Variants in SLC5A8 observed in about 807,000 individuals in gnomAD.
SLC5A8 encodes the protein sodium-coupled monocarboxylate transporter 1.
SLC5A8 carries 55 observed loss-of-function variants against 71.9 expected under a neutral mutation model. The observed-to-expected ratio is 0.77, with a 90% confidence interval of 0.62 to 0.96. The LOEUF (loss-of-function observed/expected upper bound fraction) is 0.96, where lower values mean the gene tolerates loss of function less well. Among genes scored for constraint, SLC5A8 ranks in the 40% least tolerant of loss-of-function variants. SLC5A8 has a pLI of 0.00. For synonymous variants in SLC5A8, 307 were observed against 276.1 expected, an observed-to-expected ratio of 1.11 and a Z score of -1.11; for missense variants, 701 against 745.3, an observed-to-expected ratio of 0.94 and a Z score of 0.69.
chr12:101,179,967 A>T, intron 10 of SLC5A8, 62 bp downstream of exon 10: 1 of 1,551,584 alleles, frequency 6.4e-7, no homozygotes, highest in Non-Finnish European at 8.9e-7. Context: ...AAGGATGGTC[A>T]CATCAACATT....
chr12:101,205,418 A>C (rs1465757870), intron 1 of SLC5A8, among the ~76,000 whole-genome samples: 1 of 152,172 alleles, frequency 6.6e-6, no homozygotes, highest in African/African-American at 2.4e-5. Context: ...CTGCTTGTCT[A>C]CTATGTTATA....
chr12:101,194,733 T>C (rs1352266003), intron 4 of SLC5A8, among the ~76,000 whole-genome samples: 2 of 152,176 alleles, frequency 1.3e-5, no homozygotes, highest in Non-Finnish European at 2.9e-5. Flanking sequence ...CACCTCGGCC[T>C]CCCAAATTGC....
rs186946566 is a variant in SLC5A8 at position 101,199,730 on chromosome 12, G to T, written c.469+2434C>A. On this transcript the variant is annotated intron_variant, in intron 3 of 14. Transcript: ENST00000536262. ...ACATGGAAAACGATATAGCCACTTG[G>T]AAAAACTGTTTGGCAATTTCTTGTA... 4.6e-3 allele frequency among the ~76,000 whole-genome samples: 699 copies of T among 151,818 alleles called. 7 individuals are homozygous for T. Among genetic ancestry groups the T allele is most frequent in the African/African-American group, 0.016 (661 of 41,482 alleles).
chr12:101,181,126 C>T (rs1233079544), intron 9 of SLC5A8, among the ~76,000 whole-genome samples: 1 of 151,938 alleles, frequency 6.6e-6, no homozygotes, highest in African/African-American at 2.4e-5. Flanking sequence ...TTTTTGTATT[C>T]CTTATGTTAT....
chr12:101,172,686 C>G (rs2051841358), intron 10 of SLC5A8, among the ~76,000 whole-genome samples: 1 of 152,040 alleles, frequency 6.6e-6, no homozygotes, highest in Non-Finnish European at 1.5e-5. Context: ...AGGCAGCCCG[C>G]TAGGGACCCT....
At chr12:101,168,063 T>C (rs1032655775) in intron 11 of SLC5A8, 33 bp downstream of exon 11, 2 of 1,568,586 alleles carry the variant, frequency 1.3e-6, no homozygotes, top group African/African-American at 2.7e-5. Flanking sequence ...GTTCAAAAAG[T>C]AATCCTCAAG....
At chr12:101,187,332 A>T in intron 7 of SLC5A8, 54 bp downstream of exon 7, 1 of 1,551,984 alleles carries the variant, frequency 6.4e-7, no homozygotes, top group South Asian at 1.3e-5. Context: ...CCTCTCAACT[A>T]ATAAGCTTTT....
rs140516916 is a variant in SLC5A8, at chr12:101,171,627, C to T, written c.1234-3445G>A. On this transcript the variant is annotated intron_variant, in intron 10 of 14. Coordinates refer to ENST00000536262, the MANE Select transcript of SLC5A8 (RefSeq NM_145913.5). ...TAGGGGAGATCATGAGAATGGGGTT[C>T]GGCTGTGGCTTTGGGGCAGACTCGC... 3.9e-5 allele frequency among the ~76,000 whole-genome samples: 6 copies of T among 152,118 alleles called. No individual in the cohort carries two copies. The East Asian group carries it at 9.7e-4, about 25-fold the overall frequency.
intron 1 of SLC5A8, among the ~76,000 whole-genome samples, chr12:101,206,069 T>C (rs1164511580): frequency 6.6e-6 from 1 of 152,190 alleles, no homozygotes; most frequent in East Asian, 1.9e-4. Flanking sequence ...GGCATAATAA[T>C]AATTTGTTTC....
Position 101,180,018 on chromosome 12 carries a change from C to T in SLC5A8, c.1233+11G>A. ...GATTTATGACTTAAACCTCCAGGGG[C>T]CAGCTCTCACCTGCAACAAAGCTCC... On this transcript the variant is annotated intron_variant, in intron 10 of 14. Transcript: ENST00000536262. 6.2e-7 allele frequency: 1 copy of T among 1,613,890 alleles called. No homozygotes were observed. Among genetic ancestry groups the T allele is most frequent in the Non-Finnish European group, 8.5e-7 (1 of 1,179,838 alleles).
chr12:101,193,721 C>T lies in SLC5A8; in HGVS notation c.596G>A (p.Gly199Glu), dbSNP rs1228776002. The T allele has an allele frequency of 1.2e-6, 2 of 1,614,014 alleles. No homozygotes were observed. Among genetic ancestry groups the T allele is most frequent in the Non-Finnish European group, 1.7e-6 (2 of 1,180,036 alleles). ...DVFQVGIMVA[G>E]FASVIIQAVV... Reference sequence around the variant, plus strand: ...AGCCTGTATAATCACGGATGCAAATCCAGCCACCATGATCCCAACTTGAAA... The same window carrying T: ...AGCCTGTATAATCACGGATGCAAATTCAGCCACCATGATCCCAACTTGAAA... The change falls in exon 5 of 15, where the codon GGA becomes GAA. Residue 199 changes from glycine (G) to glutamate (E), a missense_variant. Coordinates refer to ENST00000536262, the MANE Select transcript of SLC5A8 (RefSeq NM_145913.5).
chr12:101,205,069 G>A (rs1362245752), intron 1 of SLC5A8, among the ~76,000 whole-genome samples: 6 of 152,170 alleles, frequency 3.9e-5, no homozygotes, highest in Admixed American at 3.3e-4. Flanking sequence ...TGATGGAATA[G>A]TCAGCCAATT....
rs955780850 is a variant in SLC5A8 at position 101,180,195 on chromosome 12, A to G, written c.1166-99T>C. Reference sequence around the variant, plus strand: ...ACACCTTTGATTCAAAGTGGATAATATGACTGTGGTGAAGAATGGCCACAC... The same window carrying G: ...ACACCTTTGATTCAAAGTGGATAATGTGACTGTGGTGAAGAATGGCCACAC... On this transcript the variant is annotated intron_variant, in intron 9 of 14. Coordinates refer to ENST00000536262, the MANE Select transcript of SLC5A8 (RefSeq NM_145913.5). The G allele has an allele frequency of 6.4e-6, 8 of 1,241,444 alleles. No homozygotes were observed. In the Admixed American group the frequency reaches 1.4e-4, roughly 21 times the overall value. The allele number at this position is 1,241,444 out of a possible 1,614,324, so 76.9% of individuals were successfully genotyped here. A position where few individuals can be genotyped will look rare whatever the true frequency, so the allele number is the denominator to read the frequency against.
Position 101,209,488 on chromosome 12 carries a change from T to C in SLC5A8, c.351+10A>G. The C allele has an allele frequency of 5.1e-5, 39 of 770,844 alleles. No homozygotes were observed. The highest frequency in any genetic ancestry group is 7.7e-5 in the Non-Finnish European group (36 of 467,526). 47.8% of individuals were successfully genotyped at this position (770,844 alleles called of 1,614,324 possible). A position where few individuals can be genotyped will look rare whatever the true frequency, so the allele number is the denominator to read the frequency against. On this transcript the variant is annotated intron_variant, in intron 1 of 14. Transcript: ENST00000536262. ...CGCCCTGCATGGTCCCAGCCCACCC[T>C]GCCCCTTACCTCGTAGGTGCTGGTA...
chr12:101,170,777 A>C (rs1312808303), intron 10 of SLC5A8, among the ~76,000 whole-genome samples: 2 of 152,128 alleles, frequency 1.3e-5, no homozygotes, highest in African/African-American at 2.4e-5. Flanking sequence ...CCCTGCTGGC[A>C]ATGACATGGG....
intron 12 of SLC5A8, among the ~76,000 whole-genome samples, chr12:101,164,450 A>G (rs2051750764): frequency 6.6e-6 from 1 of 152,214 alleles, no homozygotes; most frequent in South Asian, 2.1e-4. Context: ...TCAAAACTGA[A>G]TCTAGGCAAT....
In SLC5A8 at chr12:101,202,891, C is replaced by T. The variant is rs113998681; in HGVS notation, c.418-676G>A. Among the ~76,000 whole-genome samples, 544 of 152,194 alleles carry T rather than the reference C, an allele frequency of 3.6e-3. 3 individuals carry two copies. Among genetic ancestry groups the T allele is most frequent in the African/African-American group, 0.013 (521 of 41,526 alleles). ...AAATATATCCCATAAAAGCAAATTC[C>T]ATGATTATTCTATAAAAGCATATTA... On this transcript the variant is annotated intron_variant, in intron 2 of 14. Coordinates refer to ENST00000536262, the MANE Select transcript of SLC5A8 (RefSeq NM_145913.5).
chr12:101,157,546 T>G, intron 14 of SLC5A8, 145 bp from the exon 15 acceptor site: 2 of 980,844 alleles, frequency 2.0e-6, no homozygotes, highest in Non-Finnish European at 2.9e-6. Flanking sequence ...ACAGGTATAC[T>G]TCCTCAGAGG....
chr12:101,180,022 C>T lies in SLC5A8; in HGVS notation c.1233+7G>A, dbSNP rs373460690. The T allele has an allele frequency of 8.1e-6, 13 of 1,613,830 alleles. No homozygotes were observed. The highest frequency in any genetic ancestry group is 3.3e-4 in the Middle Eastern group (2 of 6,078). Reference sequence around the variant, plus strand: ...TATGACTTAAACCTCCAGGGGCCAGCTCTCACCTGCAACAAAGCTCCCATA... The same window carrying T: ...TATGACTTAAACCTCCAGGGGCCAGTTCTCACCTGCAACAAAGCTCCCATA... On this transcript the variant is annotated splice_region_variant and intron_variant, in intron 10 of 14. Transcript: ENST00000536262.
Sources: allele counts gnomAD v4.1 joint callset (sites outside exome capture counted in the v4.1 genomes callset), GRCh38; gene constraint gnomAD v4.1.1; transcripts MANE v1.5; gene names NCBI Gene and HGNC (gene_info 2026-07-23, HGNC 2026-07-21).